Variants in EPM2A observed in about 807,000 individuals in gnomAD.
EPM2A encodes laforin.
In EPM2A, 21 loss-of-function variants were observed where a neutral mutation model predicts 26.5. That is an observed-to-expected ratio of 0.79 (90% confidence interval 0.56 to 1.14). The LOEUF (loss-of-function observed/expected upper bound fraction) is 1.14, where lower values mean the gene tolerates loss of function less well. Ranked by LOEUF, EPM2A falls within the 50% of genes most tolerant of loss-of-function variation. EPM2A has a pLI of 0.00. For missense variants in EPM2A, 458 were observed against 440.8 expected (o/e 1.04, Z -0.35); for synonymous variants, 217 against 177.6 (o/e 1.22, Z -1.76).
intron 1 of EPM2A, among the ~76,000 whole-genome samples, chr6:145,696,805 G>T (rs796292767): frequency 4.0e-5 from 6 of 151,018 alleles, no homozygotes; most frequent in Admixed American, 1.3e-4. Flanking sequence ...GTGTGTGTGT[G>T]TGTGTGTGTG....
intron 2 of EPM2A, among the ~76,000 whole-genome samples, chr6:145,528,444 C>T (rs556950386): frequency 1.3e-5 from 2 of 152,178 alleles, no homozygotes; most frequent in African/African-American, 2.4e-5. Context: ...AAACAATGCT[C>T]ATTTATCATT....
chr6:145,403,741 C>T (rs1294715309), intron 4 of EPM2A, among the ~76,000 whole-genome samples: 4 of 152,084 alleles, frequency 2.6e-5, no homozygotes, highest in Non-Finnish European at 4.4e-5. Context: ...GCAGCTAGCT[C>T]TTTAATATAA....
In EPM2A at chr6:145,411,985, C is replaced by T. The variant is rs1358199236; in HGVS notation, c.556-27888G>A. ...CTGTAATCCCAGCAATTTGGGAGGCCGAGGGAGACGGATCACCAGGTCAGG... is the reference window on the plus strand; with the variant it reads ...CTGTAATCCCAGCAATTTGGGAGGCTGAGGGAGACGGATCACCAGGTCAGG... On this transcript the variant is annotated intron_variant, in intron 4 of 4. Coordinates refer to the EPM2A transcript ENST00000638717. Among the ~76,000 whole-genome samples the T allele has an allele frequency of 4.6e-5, 7 of 151,842 alleles. No individual in the cohort carries two copies. In the South Asian group the frequency reaches 6.3e-4, roughly 14 times the overall value.
chr6:145,479,214 T>G (rs1478616387), intron 4 of EPM2A, among the ~76,000 whole-genome samples: 1 of 148,846 alleles, frequency 6.7e-6, no homozygotes, highest in African/African-American at 2.4e-5. Context: ...GCCAAATTTT[T>G]TTATTTTAGT....
At chr6:145,495,565 C>A (rs751132274) in intron 4 of EPM2A, among the ~76,000 whole-genome samples, 31 of 150,950 alleles carry the variant, frequency 2.1e-4, no homozygotes, top group African/African-American at 7.6e-4. Context: ...CTTGTTTATG[C>A]GGATGCTTTA....
At chr6:145,719,512 A>C (rs1452623350) in intron 1 of EPM2A, among the ~76,000 whole-genome samples, 2 of 151,650 alleles carry the variant, frequency 1.3e-5, no homozygotes, top group African/African-American at 2.4e-5. Context: ...TGGAAGATAT[A>C]CCTAATGCTA....
At chr6:145,575,535 T>C (rs1781019199) in intron 2 of EPM2A, among the ~76,000 whole-genome samples, 1 of 152,194 alleles carries the variant, frequency 6.6e-6, no homozygotes, top group Admixed American at 6.6e-5. Context: ...AGCCGGGAGA[T>C]AGAATCCCCA....
intron 2 of EPM2A, among the ~76,000 whole-genome samples, chr6:145,588,486 T>C (rs1000734382): frequency 2.6e-5 from 4 of 152,202 alleles, no homozygotes; most frequent in African/African-American, 9.6e-5. Flanking sequence ...ATTCAAAAAT[T>C]AATTCAAAGG....
chr6:145,706,758 T>C (rs1562507655), intron 1 of EPM2A, among the ~76,000 whole-genome samples: 2 of 152,246 alleles, frequency 1.3e-5, no homozygotes, highest in South Asian at 4.1e-4. Context: ...AATAATTTTA[T>C]ATTGTATAAT....
intron 4 of EPM2A, among the ~76,000 whole-genome samples, chr6:145,479,683 CT>C (rs1582787582): frequency 6.6e-6 from 1 of 151,940 alleles, no homozygotes; most frequent in Non-Finnish European, 1.5e-5. Context: ...TTGTTTTCAT[CT>C]TTTGGCTATT....
chr6:145,501,800 T>C (rs372053678), exon 4 of EPM2A: 2 of 471,040 alleles, frequency 4.2e-6, no homozygotes, highest in Non-Finnish European at 8.8e-6. Context: ...AGGGAGATAT[T>C]TGTGTCTTAC....
intron 4 of EPM2A, among the ~76,000 whole-genome samples, chr6:145,412,808 T>C (rs528643153): frequency 6.6e-6 from 1 of 152,302 alleles, no homozygotes; most frequent in East Asian, 1.9e-4. Flanking sequence ...CATAGTTGTA[T>C]GGAACCAGAA....
intron 2 of EPM2A, among the ~76,000 whole-genome samples, chr6:145,620,269 G>C (rs1413583607): frequency 6.6e-6 from 1 of 152,154 alleles, no homozygotes; most frequent in East Asian, 1.9e-4. Flanking sequence ...GTGCAACCTA[G>C]ATCCCTCGCA....
intron 3 of EPM2A, among the ~76,000 whole-genome samples, chr6:145,632,831 T>A (rs768033679): frequency 3.9e-5 from 6 of 152,182 alleles, no homozygotes; most frequent in Non-Finnish European, 5.9e-5. Flanking sequence ...CCCCTGCCAC[T>A]CAGAAGTGGT....
At chr6:145,668,335 G>A (rs1779386934) in intron 2 of EPM2A, among the ~76,000 whole-genome samples, 1 of 152,014 alleles carries the variant, frequency 6.6e-6, no homozygotes, top group Non-Finnish European at 1.5e-5. Flanking sequence ...AATGAGGTGA[G>A]TTAAACTACA....
chr6:145,702,816 T>C (rs1781996986), intron 1 of EPM2A, among the ~76,000 whole-genome samples: 1 of 152,234 alleles, frequency 6.6e-6, no homozygotes, highest in Non-Finnish European at 1.5e-5. Context: ...TCACATAGTT[T>C]ACAATTTCTG....
intron 4 of EPM2A, among the ~76,000 whole-genome samples, chr6:145,488,495 T>TGTG (rs1779706637): frequency 7.6e-6 from 1 of 131,946 alleles, no homozygotes; most frequent in Non-Finnish European, 1.6e-5. Context: ...ATTTGTGTGG[T>TGTG]TGTGTGTGTG....
chr6:145,516,669 T>C (rs1254077483), intron 2 of EPM2A, among the ~76,000 whole-genome samples: 1 of 152,104 alleles, frequency 6.6e-6, no homozygotes, highest in East Asian at 1.9e-4. Flanking sequence ...TAGAGAAGTA[T>C]ATGGCCAGAG....
intron 4 of EPM2A, among the ~76,000 whole-genome samples, chr6:145,400,829 C>A (rs1778474112): frequency 6.6e-6 from 1 of 152,016 alleles, no homozygotes; most frequent in African/African-American, 2.4e-5. Flanking sequence ...TCCTTCAAAG[C>A]GCTTAATTTT....
Sources: gnomAD v4.1 joint callset for allele counts (sites outside exome capture counted in the v4.1 genomes callset) on GRCh38, gnomAD v4.1.1 for gene constraint, MANE v1.5 for transcripts, NCBI Gene and HGNC (gene_info 2026-07-23, HGNC 2026-07-21) for gene names.